Variants in NOC2L observed in about 807,000 individuals in gnomAD.
NOC2L encodes nucleolar complex protein 2 homolog.
NOC2L carries 101 observed loss-of-function variants against 94.2 expected under a neutral mutation model. The ratio of observed to expected loss-of-function variants is 1.07; its 90% CI spans 0.91 to 1.26. The LOEUF (loss-of-function observed/expected upper bound fraction) is 1.26, where lower values mean the gene tolerates loss of function less well. Among genes scored for constraint, NOC2L ranks in the 50% most tolerant of loss-of-function variants. The probability of loss-of-function intolerance (pLI) is 0.00; values close to 1 mark genes in which losing one functional copy is unlikely to be tolerated. For synonymous variants in NOC2L, 531 were observed against 413.4 expected (o/e 1.28, Z -3.45); for missense variants, 1,076 against 980.1 (o/e 1.10, Z -1.31).
chr1:948,401 G>T, intron 13 of NOC2L, 89 bp downstream of exon 13: 1 of 1,117,810 alleles, frequency 8.9e-7, no homozygotes, highest in Non-Finnish European at 1.3e-6. Flanking sequence ...GCTTGAACTT[G>T]GAGGATGCCA....
chr1:953,332 G>T lies in NOC2L; in HGVS notation c.889-44C>A, dbSNP rs998279110. The T allele has an allele frequency of 7.5e-6, 9 of 1,206,796 alleles. No homozygotes were observed. The African/African-American group carries it at 9.0e-5, about 12-fold the overall frequency. The allele number at this position is 1,206,796 out of a possible 1,614,324, so 74.8% of individuals were successfully genotyped here. On this transcript the variant is annotated intron_variant, in intron 8 of 18. Transcript: ENST00000327044. The stretch of plus-strand genomic sequence containing the variant: ...CACTGGTGGCCCCCCAGCCTCCTCA[G>T]CAGGGATGCCCCAGGGCCAGCACAG...
At position 945,055 on chromosome 1, in the gene NOC2L, A is replaced by T; in HGVS notation, c.2143+2T>A. On this transcript the variant is annotated splice_donor_variant, in intron 18 of 18. Coordinates refer to ENST00000327044, the MANE Select transcript of NOC2L (RefSeq NM_015658.4). LOFTEE classifies it high-confidence loss of function. ...ACACCCTCTCACCCCAAGACCATTC[A>T]CCCTCCGAGTTGCTGCTGTCCTCCT... 6.2e-7 allele frequency: 1 copy of T among 1,613,446 alleles called. No individual in the cohort carries two copies. The highest frequency in any genetic ancestry group is 2.2e-5 in the East Asian group (1 of 44,824).
intron 7 of NOC2L, 46 bp from the exon 8 acceptor site, chr1:953,938 G>A (rs1261453806): frequency 6.2e-6 from 10 of 1,606,636 alleles, no homozygotes; most frequent in Non-Finnish European, 7.7e-6. Flanking sequence ...ATGTATTCTG[G>A]GATACAAAAA....
At chr1:951,008 C>G in intron 12 of NOC2L, 119 bp downstream of exon 12, 1 of 767,142 alleles carries the variant, frequency 1.3e-6, no homozygotes, top group Non-Finnish European at 2.3e-6. Context: ...ACACCCGTGA[C>G]AAGGAGGCGG....
At chr1:949,099 T>G (rs2100382557) in intron 12 of NOC2L, among the ~76,000 whole-genome samples, 1 of 152,026 alleles carries the variant, frequency 6.6e-6, no homozygotes, top group African/African-American at 2.4e-5. Context: ...ACGGGAGGCC[T>G]GGGGGGCCCC....
chr1:950,004 C>G (rs1642209309), intron 12 of NOC2L, among the ~76,000 whole-genome samples: 1 of 152,240 alleles, frequency 6.6e-6, no homozygotes, highest in African/African-American at 2.4e-5. Flanking sequence ...GCCTAACCCA[C>G]CCACTGAAAG....
In NOC2L at chr1:944,756, G is replaced by A; in HGVS notation, c.2188C>T (p.Gln730Ter). The change falls in exon 19 of 19, where the codon CAG (glutamine) becomes TAG (stop). Residue 730 changes from glutamine (Q) to a stop codon, truncating the protein, a stop_gained. Transcript: ENST00000327044. LOFTEE classifies it high-confidence loss of function. ...TCCTCCGGCCCCTGGGCCAGCTGCT[G>A]CAGCTCCCCAGGGGCCAGCCCCGCC... is the stretch of plus-strand genomic sequence containing the variant. ...AEAGLAPGEL[Q>*]QLAQGPEDEL... 1 of 1,600,182 alleles carries A rather than the reference G, an allele frequency of 6.2e-7. No homozygotes were observed. Among genetic ancestry groups the A allele is most frequent in the African/African-American group, 1.3e-5 (1 of 74,938 alleles).
Position 945,165 on chromosome 1 carries a change from A to AGTCCATATGACTCCCACCCACAGG in NOC2L, c.2054-43_2054-20dup. 6.3e-7 allele frequency: 1 copy of AGTCCATATGACTCCCACCCACAGG among 1,578,706 alleles called. No homozygotes were observed. The highest frequency in any genetic ancestry group is 8.6e-7 in the Non-Finnish European group (1 of 1,161,766). On this transcript the variant is annotated intron_variant, in intron 17 of 18. Transcript: ENST00000327044. ...AGTATCCCTGAGGAACAAGAAGCAG[A>AGTCCATATGACTCCCACCCACAGG]GTCCATATGACTCCCACCCACAGGG... is the stretch of plus-strand genomic sequence containing the variant.
chr1:952,102 T>A lies in NOC2L; in HGVS notation c.1229A>T (p.His410Leu), dbSNP rs774290521. 6.2e-7 allele frequency: 1 copy of A among 1,613,662 alleles called. No individual in the cohort carries two copies. The highest frequency in any genetic ancestry group is 8.5e-7 in the Non-Finnish European group (1 of 1,179,986). Residue 410 changes from histidine (H) to leucine (L), a missense_variant, in exon 11 of 19, where the codon CAC (histidine) becomes CTC (leucine). This residue lies in a region of NOC2L where 615 missense variants were observed against 577.4 expected (regional missense o/e 1.07). Coordinates refer to ENST00000327044, the MANE Select transcript of NOC2L (RefSeq NM_015658.4). ...GACCCGGCACCACAGGAAGAGGCAG[T>A]GCACATACTGCCAGTTGTACACAGA... The part of the protein sequence containing the change: ...YQSVYNWQYV[H>L]CLFLWCRVLS...
chr1:956,774 G>A, intron 4 of NOC2L, 120 bp downstream of exon 4: 2 of 1,456,132 alleles, frequency 1.4e-6, no homozygotes, highest in Non-Finnish European at 1.9e-6. Flanking sequence ...CTCAGGTGAG[G>A]CAAGGCCAGA....
intron 11 of NOC2L, among the ~76,000 whole-genome samples, chr1:951,583 G>A (rs1024003006): frequency 3.3e-5 from 5 of 152,228 alleles, no homozygotes; most frequent in African/African-American, 9.6e-5. Flanking sequence ...GGCCAAAGAG[G>A]CCACAGTACT....
intron 4 of NOC2L, among the ~76,000 whole-genome samples, chr1:956,509 A>G (rs1433898981): frequency 6.6e-6 from 1 of 152,252 alleles, no homozygotes; most frequent in South Asian, 2.1e-4. Context: ...TGTCCCTGGA[A>G]AAAAACACTG....
Position 953,161 on chromosome 1 carries a change from G to C in NOC2L, c.1002+14C>G. 1 of 1,573,780 alleles carries C rather than the reference G, an allele frequency of 6.4e-7. No individual in the cohort carries two copies. The highest frequency in any genetic ancestry group is 8.7e-7 in the Non-Finnish European group (1 of 1,143,806). ...GCAGATGCTGAGGGACACAGACGCA[G>C]GGCCCACCACTACCTTGAGGACGGG... is the stretch of plus-strand genomic sequence containing the variant. On this transcript the variant is annotated intron_variant, in intron 9 of 18. Transcript: ENST00000327044.
rs764431971 is a variant in NOC2L at position 951,193 on chromosome 1, G to A, written c.1377C>T (p.Ile459=). ...TCCCCGAGAGCAGCGTCAGGGCACG[G>A]ATGCAGTGCATTCGCAGCGGGTAGA... is the stretch of plus-strand genomic sequence containing the variant. The part of the protein sequence containing the change: ...ARFYPLRMHC[I]RALTLLSGSS... The change falls in exon 12 of 19, where the codon ATC becomes ATT. Residue 459 remains isoleucine, a synonymous_variant. Coordinates refer to ENST00000327044, the MANE Select transcript of NOC2L (RefSeq NM_015658.4). The A allele has an allele frequency of 2.5e-6, 4 of 1,597,228 alleles. No individual in the cohort carries two copies. In the Admixed American group the frequency reaches 5.2e-5, roughly 21 times the overall value.
At chr1:954,687 T>C (rs1261190621) in intron 6 of NOC2L, among the ~76,000 whole-genome samples, 1 of 152,014 alleles carries the variant, frequency 6.6e-6, no homozygotes, top group East Asian at 1.9e-4. Flanking sequence ...TACAAAATAT[T>C]ATCCAGGCCT....
chr1:945,065 T>C lies in NOC2L; in HGVS notation c.2135A>G (p.Asn712Ser). ...DEEEGEEDSS[N>S]SEDGDPDAEA... ...ACCCCAAGACCATTCACCCTCCGAGTTGCTGCTGTCCTCCTCGCCCTCCTC... is the reference window on the plus strand; with the variant it reads ...ACCCCAAGACCATTCACCCTCCGAGCTGCTGCTGTCCTCCTCGCCCTCCTC... Residue 712 changes from asparagine to serine, a missense_variant, in exon 18 of 19, where the codon AAC becomes AGC. Physicochemically the swap from Asn to Ser is conservative, Grantham distance 46. Transcript: ENST00000327044. 1 of 1,613,858 alleles carries C rather than the reference T, an allele frequency of 6.2e-7. No homozygotes were observed. Among genetic ancestry groups the C allele is most frequent in the Non-Finnish European group, 8.5e-7 (1 of 1,179,936 alleles).
intron 10 of NOC2L, 26 bp downstream of exon 10, chr1:952,386 G>A (rs753481873): frequency 1.2e-6 from 2 of 1,609,480 alleles, no homozygotes; most frequent in African/African-American, 1.3e-5. Context: ...TGCCCAGCAT[G>A]AGCCTGGAAG....
chr1:955,896 A>G, intron 6 of NOC2L, 27 bp downstream of exon 6: 16 of 1,285,706 alleles, frequency 1.2e-5, no homozygotes, highest in Non-Finnish European at 1.6e-5. Flanking sequence ...CTTCCACCCT[A>G]CCCCCCTTCA....
At chr1:951,356 G>T (rs1642256650) in intron 11 of NOC2L, 118 bp from the exon 12 acceptor site, 5 of 780,146 alleles carry the variant, frequency 6.4e-6, no homozygotes, top group Non-Finnish European at 8.7e-6. Context: ...AGCAGGACAA[G>T]GCACGTCTGA....
Sources: allele counts gnomAD v4.1 joint callset (sites outside exome capture counted in the v4.1 genomes callset), GRCh38; gene constraint gnomAD v4.1.1; regional missense constraint gnomAD v4.1.1; transcripts MANE v1.5; gene names NCBI Gene and HGNC (gene_info 2026-07-23, HGNC 2026-07-21).